The following IMMT variants were observed in gnomAD, a reference collection of about 807,000 sequenced individuals.
IMMT encodes inner membrane mitochondrial protein.
IMMT carries 40 observed loss-of-function variants against 92.7 expected under a neutral mutation model. That is an observed-to-expected ratio of 0.43 (90% CI 0.34 to 0.56). The LOEUF (loss-of-function observed/expected upper bound fraction) is 0.56. Ranked by LOEUF, IMMT falls within the 20% of genes least tolerant of loss-of-function variation. The pLI is 0.03. For missense variants in IMMT, 831 were observed against 912.1 expected, an observed-to-expected ratio of 0.91 and a Z score of 1.14; for synonymous variants, 322 against 336.1, an observed-to-expected ratio of 0.96 and a Z score of 0.46.
chr2:86,165,573 C>T (rs1324500893), intron 7 of IMMT, among the ~76,000 whole-genome samples: 1 of 152,048 alleles, frequency 6.6e-6, no homozygotes, highest in African/African-American at 2.4e-5. Context: ...CATGTATGAT[C>T]CTGATCCTTA....
intron 9 of IMMT, 165 bp downstream of exon 9, chr2:86,159,371 C>A: frequency 1.4e-6 from 1 of 703,190 alleles, no homozygotes; most frequent in Admixed American, 2.0e-5. Context: ...AGGTGTGAAC[C>A]ACCACACCCA....
chr2:86,189,798 T>C (rs771827713), intron 1 of IMMT, among the ~76,000 whole-genome samples: 11 of 152,224 alleles, frequency 7.2e-5, no homozygotes, highest in Non-Finnish European at 1.3e-4. Context: ...CTACTGTTAA[T>C]TTAAAATAGT....
chr2:86,147,587 G>A (rs1675115558), intron 13 of IMMT, 115 bp downstream of exon 13: 1 of 960,536 alleles, frequency 1.0e-6, no homozygotes, highest in South Asian at 1.9e-5. Context: ...CAGTTTTGTA[G>A]ACATACAAGG....
In IMMT at chr2:86,147,843, C is replaced by G. The variant is rs199821872; in HGVS notation, c.1402-10G>C. On this transcript the variant is annotated splice_polypyrimidine_tract_variant and intron_variant, in intron 12 of 14. Coordinates refer to ENST00000410111, the MANE Select transcript of IMMT (RefSeq NM_006839.3). ...CTCTGACTTCTTCTATCTGTGAAAC[C>G]AAACATAGTAGTTATTAGTTTTCAA... 1 of 1,612,434 alleles carries G rather than the reference C, an allele frequency of 6.2e-7. No homozygotes were observed. The highest frequency in any genetic ancestry group is 8.5e-7 in the Non-Finnish European group (1 of 1,179,412).
Position 86,173,735 on chromosome 2 carries a change from A to G in IMMT, c.336T>C (p.Ser112=). Residue 112 remains serine, a synonymous_variant, in exon 4 of 15, where the codon TCT becomes TCC. Coordinates refer to ENST00000410111, the MANE Select transcript of IMMT (RefSeq NM_006839.3). The part of the protein sequence containing the change: ...KSIQSGPLKI[S]SVSEVMKESK... ...ATTCTTTCATTACTTCTGATACACT[A>G]GAGATTTTTAGTGGACCCGACTGAA... The G allele has an allele frequency of 6.3e-7, 1 of 1,598,400 alleles. No homozygotes were observed.
intron 1 of IMMT, among the ~76,000 whole-genome samples, chr2:86,184,955 G>A (rs1487899244): frequency 2.0e-5 from 3 of 152,156 alleles, no homozygotes; most frequent in Non-Finnish European, 2.9e-5. Flanking sequence ...TTGGGAGGCC[G>A]AAGCGGGCGG....
At chr2:86,160,696 T>C (rs1676205180) in intron 8 of IMMT, among the ~76,000 whole-genome samples, 1 of 152,204 alleles carries the variant, frequency 6.6e-6, no homozygotes, top group Admixed American at 6.5e-5. Context: ...CAGAGGTTGA[T>C]CTTATATCTG....
Position 86,158,716 on chromosome 2 carries a change from T to C in IMMT, c.1038A>G (p.Gln346=). 6.2e-7 allele frequency: 1 copy of C among 1,604,662 alleles called. No individual in the cohort carries two copies. Among genetic ancestry groups the C allele is most frequent in the Non-Finnish European group, 8.5e-7 (1 of 1,174,626 alleles). Residue 346 remains glutamine, a synonymous_variant, in exon 10 of 15, where the codon CAA becomes CAG. Transcript: ENST00000410111. The part of the protein sequence containing the change: ...VDLDNVVKKV[Q]AAQSEAKVVS... ...CAACCTTAGCCTCAGACTGAGCTGC[T>C]TGGACCTGAGCAAATACACAGGGTA...
chr2:86,191,394 A>T (rs1397942206), intron 1 of IMMT, among the ~76,000 whole-genome samples: 1 of 151,732 alleles, frequency 6.6e-6, no homozygotes, highest in Non-Finnish European at 1.5e-5. Context: ...GGCTTCATTC[A>T]ATCAGTTGAG....
intron 1 of IMMT, among the ~76,000 whole-genome samples, chr2:86,194,596 C>T (rs1005065411): frequency 6.6e-6 from 1 of 152,184 alleles, no homozygotes; most frequent in African/African-American, 2.4e-5. Context: ...TGGAAACAGG[C>T]TTTTTAATTT....
At chr2:86,151,089 G>A (rs540379356) in intron 12 of IMMT, among the ~76,000 whole-genome samples, 1 of 152,174 alleles carries the variant, frequency 6.6e-6, no homozygotes, top group East Asian at 1.9e-4. Context: ...GCTAATTTTT[G>A]TATTTTTAGA....
intron 4 of IMMT, among the ~76,000 whole-genome samples, chr2:86,173,265 TAAGA>T (rs1248084397): frequency 2.0e-5 from 3 of 152,140 alleles, no homozygotes; most frequent in Admixed American, 1.3e-4. Flanking sequence ...CTTTCATCAC[TAAGA>T]AAGAAGAGAG....
In IMMT at chr2:86,173,622, T is replaced by G. The variant is rs117903699; in HGVS notation, c.421+28A>C. ...TTGGTGAAGAGATTTACCTATAATT[T>G]TAAAAAGATGGTTCAAAATATAAGT... is the stretch of plus-strand genomic sequence containing the variant. On this transcript the variant is annotated intron_variant, in intron 4 of 14. Transcript: ENST00000410111. 5.0e-3 allele frequency: 6,329 copies of G among 1,277,590 alleles called. 363 individuals carry two copies. In the East Asian group the frequency reaches 0.13, roughly 26 times the overall value. 79.1% of individuals were successfully genotyped at this position (1,277,590 alleles called of 1,614,324 possible).
intron 10 of IMMT, among the ~76,000 whole-genome samples, chr2:86,155,908 A>G (rs1675820339): frequency 6.6e-6 from 1 of 152,200 alleles, no homozygotes; most frequent in African/African-American, 2.4e-5. Context: ...AAACTGTGAG[A>G]GGGAAACTTC....
chr2:86,163,997 A>AT (rs1444034247), intron 7 of IMMT, among the ~76,000 whole-genome samples: 2 of 142,048 alleles, frequency 1.4e-5, no homozygotes, highest in African/African-American at 5.2e-5. Flanking sequence ...TTTGCAAAGT[A>AT]TATCTTATGA....
chr2:86,152,969 G>C (rs1474046319), intron 11 of IMMT, among the ~76,000 whole-genome samples: 1 of 152,084 alleles, frequency 6.6e-6, no homozygotes, highest in Non-Finnish European at 1.5e-5. Flanking sequence ...ATGGGTTATC[G>C]ATTCAAATAA....
intron 6 of IMMT, 114 bp from the exon 7 acceptor site, chr2:86,166,758 GAA>G: frequency 9.8e-7 from 1 of 1,022,832 alleles, no homozygotes; most frequent in South Asian, 1.9e-5. Context: ...ATTTAAAAAG[GAA>G]CAAAATACAT....
At chr2:86,150,915 TC>T (rs1456427051) in intron 12 of IMMT, among the ~76,000 whole-genome samples, 2 of 133,778 alleles carry the variant, frequency 1.5e-5, no homozygotes, top group Non-Finnish European at 3.3e-5. Context: ...CCAATGACTG[TC>T]AGTATTTTTT....
chr2:86,182,439 A>G (rs1193615459), intron 1 of IMMT, among the ~76,000 whole-genome samples: 1 of 152,258 alleles, frequency 6.6e-6, no homozygotes, highest in African/African-American at 2.4e-5. Context: ...GCCAAAGCCT[A>G]GAGGTAAACA....
Sources: allele counts gnomAD v4.1 joint callset (sites outside exome capture counted in the v4.1 genomes callset), GRCh38; gene constraint gnomAD v4.1.1; transcripts MANE v1.5; gene names NCBI Gene and HGNC (gene_info 2026-07-23, HGNC 2026-07-21).